Variants in L1TD1 observed in about 807,000 individuals in gnomAD.
The protein encoded by L1TD1 is LINE-1 type transposase domain-containing protein 1.
L1TD1 carries 26 observed loss-of-function variants against 25.7 expected under a neutral mutation model. The ratio of observed to expected loss-of-function variants is 1.01; its 90% CI spans 0.74 to 1.40. The LOEUF is 1.40. L1TD1 is among the 40% of genes most tolerant of loss of function. L1TD1 has a pLI of 0.00. For missense variants in L1TD1, 1,130 were observed against 975.0 expected, an observed-to-expected ratio of 1.16 and a Z score of -2.12; for synonymous variants, 421 against 335.6, an observed-to-expected ratio of 1.25 and a Z score of -2.78.
intron 2 of L1TD1, among the ~76,000 whole-genome samples, chr1:62,205,389 T>TTCTCTCTCTC (rs1194912722): frequency 2.2e-4 from 13 of 60,288 alleles, no homozygotes; most frequent in African/African-American, 6.5e-4. Flanking sequence ...CTCTCTCTCT[T>TTCTCTCTCTC]TCTCTCTCTC....
chr1:62,196,115 C>T (rs1226024523), intron 1 of L1TD1, among the ~76,000 whole-genome samples: 10 of 152,228 alleles, frequency 6.6e-5, no homozygotes, highest in Non-Finnish European at 1.2e-4. Context: ...TCTTCAATTT[C>T]CTCCGATTGT....
chr1:62,197,885 G>GAA (rs371529910), intron 2 of L1TD1, among the ~76,000 whole-genome samples: 1 of 151,316 alleles, frequency 6.6e-6, no homozygotes, highest in Non-Finnish European at 1.5e-5. Flanking sequence ...AAAAACAGAA[G>GAA]AAAACAAAAC....
At chr1:62,200,071 T>C (rs1283588894) in intron 2 of L1TD1, among the ~76,000 whole-genome samples, 1 of 152,214 alleles carries the variant, frequency 6.6e-6, no homozygotes, top group Non-Finnish European at 1.5e-5. Flanking sequence ...TCTAATATAC[T>C]CTTATTATGT....
At chr1:62,199,336 A>G (rs1372555266) in intron 2 of L1TD1, among the ~76,000 whole-genome samples, 2 of 151,934 alleles carry the variant, frequency 1.3e-5, no homozygotes, top group Non-Finnish European at 1.5e-5. Flanking sequence ...CGTCTCTACT[A>G]AAAATACAAA....
At chr1:62,197,512 G>A (rs1670567906) in intron 2 of L1TD1, among the ~76,000 whole-genome samples, 1 of 149,926 alleles carries the variant, frequency 6.7e-6, no homozygotes, top group Non-Finnish European at 1.5e-5. Flanking sequence ...ATCTAAAAAA[G>A]TTTTTTAGAG....
In L1TD1 at chr1:62,196,427, A is replaced by C. The variant is rs551277571; in HGVS notation, c.-204-8A>C. The C allele has an allele frequency of 2.0e-5, 3 of 152,214 alleles. No homozygotes were observed. The East Asian group carries it at 5.8e-4, about 29-fold the overall frequency. The allele number at this position is 152,214 out of a possible 1,614,324, so 9.4% of individuals were successfully genotyped here. On this transcript the variant is annotated splice_polypyrimidine_tract_variant and splice_region_variant and intron_variant, in intron 1 of 3. Transcript: ENST00000498273. ...ACTTTGGTGTTATGAACTTGACTTG[A>C]ATTCTAGGCACCAAGGCACAGCTTA...
Position 62,210,426 on chromosome 1 carries a change from T to A in L1TD1, c.1652T>A (p.Leu551Gln). Reference protein sequence around the residue: ...PTSQGTGTPCLTLCLASPSKS... With the variant: ...PTSQGTGTPCQTLCLASPSKS... ...AGTCAAGGAACTGGCACACCCTGTCTGACCTTATGTTTGGCCTCTCCCTCA... is the reference window on the plus strand; with the variant it reads ...AGTCAAGGAACTGGCACACCCTGTCAGACCTTATGTTTGGCCTCTCCCTCA... The change falls in exon 4 of 4, where the codon CTG becomes CAG. Residue 551 changes from leucine (L) to glutamine (Q), a missense_variant. Coordinates refer to ENST00000498273, the MANE Select transcript of L1TD1 (RefSeq NM_019079.5). 6.2e-7 allele frequency: 1 copy of A among 1,614,182 alleles called. No homozygotes were observed. Among genetic ancestry groups the A allele is most frequent in the Non-Finnish European group, 8.5e-7 (1 of 1,180,036 alleles).
chr1:62,196,154 C>G (rs541701920), intron 1 of L1TD1, among the ~76,000 whole-genome samples: 1 of 152,256 alleles, frequency 6.6e-6, no homozygotes, highest in South Asian at 2.1e-4. Context: ...GTTCAAATTG[C>G]AAAAGGAAAG....
At chr1:62,195,629 G>A (rs1332355294) in intron 1 of L1TD1, among the ~76,000 whole-genome samples, 2 of 152,230 alleles carry the variant, frequency 1.3e-5, no homozygotes, top group Non-Finnish European at 2.9e-5. Flanking sequence ...GCGCATGCCT[G>A]TAATCCTAGC....
chr1:62,211,025 G>T lies in L1TD1; in HGVS notation c.2251G>T (p.Asp751Tyr). 6.5e-7 allele frequency: 1 copy of T among 1,547,332 alleles called. No homozygotes were observed. The highest frequency in any genetic ancestry group is 8.7e-7 in the Non-Finnish European group (1 of 1,146,030). The change falls in exon 4 of 4, where the codon GAT becomes TAT. Residue 751 changes from aspartate to tyrosine, a missense_variant. By Grantham distance (160) the Asp-to-Tyr change is radical. Transcript: ENST00000498273. ...VSACRVPSKI[D>Y]EKRLTPRHIL... The stretch of plus-strand genomic sequence containing the variant: ...TGCTTGTCGAGTACCTAGTAAAATT[G>T]ATGAAAAGAGACTGACTCCTAGACA...
rs539675908 is a variant in L1TD1 at position 62,195,923 on chromosome 1, G to A, written c.-204-512G>A. The stretch of plus-strand genomic sequence containing the variant: ...GTGTTGGCTCGCGCCTGTAGTCCCA[G>A]CTACTAGGGAGGCCGAGGCAGGAGA... On this transcript the variant is annotated intron_variant, in intron 1 of 3. Transcript: ENST00000498273. Among the ~76,000 whole-genome samples, 19 of 152,110 alleles carry A rather than the reference G, an allele frequency of 1.2e-4. No homozygotes were observed. The East Asian group carries it at 3.3e-3, about 26-fold the overall frequency.
chr1:62,207,092 A>T lies in L1TD1; in HGVS notation c.464A>T (p.Asn155Ile). The T allele has an allele frequency of 6.2e-7, 1 of 1,612,012 alleles. No individual in the cohort carries two copies. Among genetic ancestry groups the T allele is most frequent in the Non-Finnish European group, 8.5e-7 (1 of 1,178,862 alleles). Residue 155 changes from asparagine (N) to isoleucine (I), a missense_variant, in exon 3 of 4, where the codon AAT becomes ATT. Coordinates refer to ENST00000498273, the MANE Select transcript of L1TD1 (RefSeq NM_019079.5). ...KLDNTNEYNS[N>I]DGKKLPQGES... ...GACAACACTAACGAATACAATAGTA[A>T]TGATGGTAAGAAATTACCCCAGGGT...
rs376933477 is a variant in L1TD1, at chr1:62,209,289, C to CTTTT, written c.1009-480_1009-477dup. Among the ~76,000 whole-genome samples, 177 of 131,786 alleles carry CTTTT rather than the reference C, an allele frequency of 1.3e-3. 2 individuals are homozygous for CTTTT. The highest frequency in any genetic ancestry group is 3.9e-3 in the African/African-American group (136 of 34,592). 86.5% of individuals were successfully genotyped at this position (131,786 alleles called of 152,430 possible). A position where few individuals can be genotyped will look rare whatever the true frequency, so the allele number is the denominator to read the frequency against. On this transcript the variant is annotated intron_variant, in intron 3 of 3. Transcript: ENST00000498273. Reference sequence around the variant, plus strand: ...CTAGAGTGTAAACTGCAATTGGGGTCTTTTTTTTTTTTTTTTTAATTGGGT... The same window carrying CTTTT: ...CTAGAGTGTAAACTGCAATTGGGGTCTTTTTTTTTTTTTTTTTTTTTAATTGGGT...
intron 2 of L1TD1, among the ~76,000 whole-genome samples, chr1:62,198,058 GT>G (rs1432251020): frequency 6.6e-6 from 1 of 151,978 alleles, no homozygotes; most frequent in Non-Finnish European, 1.5e-5. Context: ...AGAAAATAGT[GT>G]TAAAAGTATA....
chr1:62,211,519 T>G lies in L1TD1; in HGVS notation c.*147T>G. 1 of 1,315,154 alleles carries G rather than the reference T, an allele frequency of 7.6e-7. No individual in the cohort carries two copies. Among genetic ancestry groups the G allele is most frequent in the Non-Finnish European group, 1.0e-6 (1 of 990,250 alleles). 81.5% of individuals were successfully genotyped at this position (1,315,154 alleles called of 1,614,324 possible). On this transcript the variant is annotated 3_prime_UTR_variant, in exon 4 of 4. Transcript: ENST00000498273. ...GAGGAGCAAGGAATATTACAGATAT[T>G]ACCTAGATGTTAATAAAGGGTATGT...
chr1:62,200,819 T>G (rs1449485746), intron 2 of L1TD1, among the ~76,000 whole-genome samples: 8 of 152,204 alleles, frequency 5.3e-5, no homozygotes, highest in African/African-American at 1.9e-4. Flanking sequence ...TTTTTTATTA[T>G]GTACTCAACT....
chr1:62,200,384 T>C (rs1465758731), intron 2 of L1TD1, among the ~76,000 whole-genome samples: 1 of 152,174 alleles, frequency 6.6e-6, no homozygotes, highest in Non-Finnish European at 1.5e-5. Flanking sequence ...TTGGCCAGGC[T>C]GGTCTTGAAC....
chr1:62,210,245 A>T lies in L1TD1; in HGVS notation c.1471A>T (p.Lys491Ter). The change falls in exon 4 of 4, where the codon AAG (lysine) becomes TAG (stop). Residue 491 changes from lysine (K) to a stop codon, truncating the protein, a stop_gained. Coordinates refer to ENST00000498273, the MANE Select transcript of L1TD1 (RefSeq NM_019079.5). LOFTEE classifies it low-confidence loss of function (END_TRUNC). ...AGAAGGAAAGAGCTCTGAAACAGGA[A>T]AGGTAAAGACTACCTCCCTGACTGA... ...EEEGKSSETG[K>*]VKTTSLTEKK... The T allele has an allele frequency of 6.2e-7, 1 of 1,614,094 alleles. No homozygotes were observed. The highest frequency in any genetic ancestry group is 8.5e-7 in the Non-Finnish European group (1 of 1,180,030).
At chr1:62,198,194 G>A (rs1377916167) in intron 2 of L1TD1, among the ~76,000 whole-genome samples, 2 of 152,056 alleles carry the variant, frequency 1.3e-5, no homozygotes, top group East Asian at 3.9e-4. Flanking sequence ...CTTTATCTTG[G>A]TATGGTAGCA....
Sources: gnomAD v4.1 joint callset for allele counts (sites outside exome capture counted in the v4.1 genomes callset) on GRCh38, gnomAD v4.1.1 for gene constraint, MANE v1.5 for transcripts, NCBI Gene and HGNC (gene_info 2026-07-23, HGNC 2026-07-21) for gene names.